ATXN2: variants seen among roughly 807,000 people sequenced by gnomAD.
ATXN2 encodes the protein ataxin 2.
A neutral mutation model predicts 138.6 loss-of-function variants in ATXN2; 37 were observed. The ratio of observed to expected loss-of-function variants is 0.27; its 90% CI spans 0.21 to 0.35. ATXN2 has a LOEUF of 0.35. Among genes scored for constraint, ATXN2 ranks in the 10% least tolerant of loss-of-function variants. The pLI is 1.00. For synonymous variants in ATXN2, 549 were observed against 543.7 expected, an observed-to-expected ratio of 1.01 and a Z score of -0.13; for missense variants, 1,216 against 1,480.3, an observed-to-expected ratio of 0.82 and a Z score of 2.93.
In ATXN2 at chr12:111,457,074, C is replaced by A. The variant is rs533975738; in HGVS notation, c.3042+140G>T. On this transcript the variant is annotated intron_variant, in intron 22 of 24. Transcript: ENST00000673436. ...TTAAATGTGATTCTTAAAACCACCA[C>A]CCCAGGGGCACAGCTGTATCCATCT... The A allele has an allele frequency of 4.5e-6, 5 of 1,107,544 alleles. No homozygotes were observed. In the East Asian group the frequency reaches 1.1e-4, roughly 23 times the overall value. 68.6% of individuals were successfully genotyped at this position (1,107,544 alleles called of 1,614,324 possible).
chr12:111,564,773 T>C (rs546280486), intron 1 of ATXN2: 1 of 152,316 alleles, frequency 6.6e-6, no homozygotes, highest in Non-Finnish European at 1.5e-5. Context: ...AACTGAAAGA[T>C]AAAGTTGTTT....
rs141467933 is a variant in ATXN2, at chr12:111,515,446, C to T, written c.1375+708G>A. Reference sequence around the variant, plus strand: ...TGATATGTGGCAATGATGGATTTAGCGCCAAATACTGAATAAGAATTACAA... The same window carrying T: ...TGATATGTGGCAATGATGGATTTAGTGCCAAATACTGAATAAGAATTACAA... On this transcript the variant is annotated intron_variant, in intron 10 of 24. Coordinates refer to ENST00000673436, the MANE Select transcript of ATXN2 (RefSeq NM_001372574.1). 4.6e-5 allele frequency among the ~76,000 whole-genome samples: 7 copies of T among 152,176 alleles called. No individual in the cohort carries two copies. In the East Asian group the frequency reaches 1.2e-3, roughly 25 times the overall value.
intron 1 of ATXN2, among the ~76,000 whole-genome samples, chr12:111,578,068 G>A (rs905788442): frequency 2.0e-5 from 3 of 151,956 alleles, no homozygotes; most frequent in Admixed American, 6.6e-5. Context: ...GTGGTGGCAC[G>A]CACCTGTAAT....
At chr12:111,498,375 T>C (rs533025777) in intron 14 of ATXN2, among the ~76,000 whole-genome samples, 44 of 152,272 alleles carry the variant, frequency 2.9e-4, no homozygotes, top group East Asian at 2.3e-3. Context: ...TTCAGTAAAA[T>C]TGCAGGATAC....
intron 14 of ATXN2, among the ~76,000 whole-genome samples, chr12:111,503,470 G>A (rs950828655): frequency 6.6e-6 from 1 of 151,880 alleles, no homozygotes; most frequent in Non-Finnish European, 1.5e-5. Flanking sequence ...AACAGCATCT[G>A]GTACACAGGA....
At chr12:111,578,503 A>G (rs1387136355) in intron 1 of ATXN2, among the ~76,000 whole-genome samples, 3 of 152,222 alleles carry the variant, frequency 2.0e-5, no homozygotes, top group Non-Finnish European at 4.4e-5. Context: ...TGCTATACAG[A>G]TTTGTAGCCT....
At chr12:111,522,707 G>C (rs1344989455) in intron 6 of ATXN2, among the ~76,000 whole-genome samples, 1 of 151,566 alleles carries the variant, frequency 6.6e-6, no homozygotes, top group Non-Finnish European at 1.5e-5. Flanking sequence ...GAGATTAGGA[G>C]TTCGGGACCA....
chr12:111,497,491 G>C (rs192056938), intron 14 of ATXN2, among the ~76,000 whole-genome samples: 1 of 151,966 alleles, frequency 6.6e-6, no homozygotes, highest in East Asian at 1.9e-4. Context: ...CTAGCAAACC[G>C]AATTCAGTAA....
Position 111,493,691 on chromosome 12 carries a change from C to A in ATXN2, c.1936-4911G>T, listed in dbSNP as rs918071299. On this transcript the variant is annotated intron_variant, in intron 14 of 24. Coordinates refer to ENST00000673436, the MANE Select transcript of ATXN2 (RefSeq NM_001372574.1). ...CTGCCCAGGCTGGACGGCAGTGGCG[C>A]GATCTCGGCTAACTGCAACCTCCGC... is the stretch of plus-strand genomic sequence containing the variant. 2.0e-5 allele frequency among the ~76,000 whole-genome samples: 3 copies of A among 151,746 alleles called. No individual in the cohort carries two copies. In the South Asian group the frequency reaches 6.3e-4, roughly 32 times the overall value.
chr12:111,468,625 T>C (rs1451412259), intron 20 of ATXN2: 1 of 151,040 alleles, frequency 6.6e-6, no homozygotes, highest in Non-Finnish European at 1.5e-5. Flanking sequence ...CTTTTATTCT[T>C]CAAAAAGGAC....
intron 11 of ATXN2, 148 bp downstream of exon 11, chr12:111,513,208 TA>T (rs1195313564): frequency 1.1e-6 from 1 of 874,224 alleles, no homozygotes; most frequent in Non-Finnish European, 1.7e-6. Flanking sequence ...GAGCCCAGAA[TA>T]AAAATATGGG....
At chr12:111,503,996 A>G (rs1372416323) in intron 14 of ATXN2, among the ~76,000 whole-genome samples, 1 of 152,208 alleles carries the variant, frequency 6.6e-6, no homozygotes, top group East Asian at 1.9e-4. Context: ...CAGGCACCTA[A>G]AAGTAGTAAG....
At chr12:111,479,451 AC>A (rs1205865812) in intron 18 of ATXN2, among the ~76,000 whole-genome samples, 1 of 149,166 alleles carries the variant, frequency 6.7e-6, no homozygotes, top group Admixed American at 6.7e-5. Context: ...GTGTGGTGGC[AC>A]GTGCCTGTAA....
chr12:111,540,503 T>C (rs1881436888), intron 5 of ATXN2, among the ~76,000 whole-genome samples: 1 of 150,724 alleles, frequency 6.6e-6, no homozygotes, highest in African/African-American at 2.4e-5. Context: ...TAGACAATCA[T>C]ATTCCACTGC....
chr12:111,486,219 C>G (rs1309229436), intron 16 of ATXN2, among the ~76,000 whole-genome samples: 3 of 152,162 alleles, frequency 2.0e-5, no homozygotes, highest in African/African-American at 7.2e-5. Flanking sequence ...TTACAGTACC[C>G]TGTGAAGATA....
At chr12:111,564,585 A>G (rs1411209589) in intron 1 of ATXN2, among the ~76,000 whole-genome samples, 1 of 151,708 alleles carries the variant, frequency 6.6e-6, no homozygotes, top group Non-Finnish European at 1.5e-5. Flanking sequence ...CCATCCTCAC[A>G]CTGAAGAAAA....
intron 3 of ATXN2, among the ~76,000 whole-genome samples, chr12:111,553,572 CAAAAAA>C (rs757837884): frequency 0.014 from 669 of 48,894 alleles, 19 homozygotes; most frequent in African/African-American, 0.05. Context: ...TCTTTTTTCT[CAAAAAA>C]AAAAAAAAAA....
In ATXN2 at chr12:111,457,103, C is replaced by A; in HGVS notation, c.3042+111G>T. On this transcript the variant is annotated intron_variant, in intron 22 of 24. Coordinates refer to ENST00000673436, the MANE Select transcript of ATXN2 (RefSeq NM_001372574.1). ...AGGGGCACAGCTGTATCCATCTTCA[C>A]GAGGGTGGACATGCCATGTGTTCTG... The A allele has an allele frequency of 2.3e-6, 3 of 1,327,756 alleles. 1 individual carries two copies. Among genetic ancestry groups the A allele is most frequent in the South Asian group, 3.0e-5 (2 of 67,538 alleles). 82.2% of individuals were successfully genotyped at this position (1,327,756 alleles called of 1,614,324 possible).
chr12:111,590,513 C>T (rs752373530), intron 1 of ATXN2, among the ~76,000 whole-genome samples: 9 of 151,844 alleles, frequency 5.9e-5, no homozygotes, highest in African/African-American at 1.7e-4. Context: ...GGTGAAACCC[C>T]GTCTCTACTA....
Sources: gnomAD v4.1 joint callset for allele counts (sites outside exome capture counted in the v4.1 genomes callset) on GRCh38, gnomAD v4.1.1 for gene constraint, MANE v1.5 for transcripts, NCBI Gene and HGNC (gene_info 2026-07-23, HGNC 2026-07-21) for gene names.